SRPRA: variants seen among roughly 807,000 people sequenced by gnomAD.
SRPRA encodes the protein signal recognition particle receptor subunit alpha.
A neutral mutation model predicts 61.1 loss-of-function variants in SRPRA; 30 were observed. The observed-to-expected ratio is 0.49, with a 90% confidence interval of 0.37 to 0.67. The LOEUF is 0.67. SRPRA is among the 30% of genes least tolerant of loss of function. The probability of loss-of-function intolerance (pLI) is 0.00; values close to 1 mark genes in which losing one functional copy is unlikely to be tolerated. For missense variants in SRPRA, 759 were observed against 828.4 expected (o/e 0.92, Z 1.03); for synonymous variants, 324 against 299.7 (o/e 1.08, Z -0.84).
the SRPRA span, chr11:126,256,900 C>A: frequency 6.5e-7 from 1 of 1,542,090 alleles, no homozygotes; most frequent in South Asian, 1.2e-5. The surrounding 1 kb of genome is among the most constrained non-coding windows in gnomAD (Gnocchi z 6.6). Flanking sequence ...AACAGCTCTT[C>A]AGCCTTTTGT....
At position 126,264,928 on chromosome 11, in the gene SRPRA, A is replaced by C; in HGVS notation, c.1525+31T>G. The C allele has an allele frequency of 1.3e-6, 2 of 1,592,808 alleles. No individual in the cohort carries two copies. Among genetic ancestry groups the C allele is most frequent in the Non-Finnish European group, 1.7e-6 (2 of 1,169,760 alleles). On this transcript the variant is annotated intron_variant, in intron 11 of 13. Coordinates refer to ENST00000332118, the MANE Select transcript of SRPRA (RefSeq NM_003139.4). The surrounding 1 kb of genome is among the most constrained non-coding windows in gnomAD (Gnocchi z 5.0). ...AACCCAAGGAGAAAAAGGGACCCCAAATAAGCCCCCACACTTCCCATGCAC... is the reference window on the plus strand; with the variant it reads ...AACCCAAGGAGAAAAAGGGACCCCACATAAGCCCCCACACTTCCCATGCAC...
chr11:126,265,738 G>A lies in SRPRA; in HGVS notation c.1137C>T (p.Ser379=), dbSNP rs1333263641. The part of the protein sequence containing the change: ...KLEGKVMGTF[S]TVTSTVKQAL... The stretch of plus-strand genomic sequence containing the variant: ...TTTCTCACTTAGGTAAGTACTTACT[G>A]CTGAACGTCCCCATCACCTTCCCTT... The change falls in exon 9 of 14, where the codon AGC becomes AGT. Residue 379 remains serine (S), a splice_region_variant and synonymous_variant. Coordinates refer to ENST00000332118, the MANE Select transcript of SRPRA (RefSeq NM_003139.4). This position sits in a 1 kb window ranked among gnomAD's most constrained non-coding sequence, Gnocchi z 6.3. The A allele has an allele frequency of 6.2e-7, 1 of 1,614,152 alleles. No homozygotes were observed. Among genetic ancestry groups the A allele is most frequent in the South Asian group, 1.1e-5 (1 of 91,086 alleles).
At chr11:126,257,515 C>T in the SRPRA span, among the ~76,000 whole-genome samples, 1 of 149,498 alleles carries the variant, frequency 6.7e-6, no homozygotes, top group African/African-American at 2.5e-5. Context: ...GTTTTCATTG[C>T]CATAAAAAAA....
the SRPRA span, chr11:126,256,506 G>C: frequency 1.3e-6 from 2 of 1,527,948 alleles, no homozygotes; most frequent in African/African-American, 2.8e-5. This position sits in a 1 kb window ranked among gnomAD's most constrained non-coding sequence, Gnocchi z 6.6. Flanking sequence ...TGACCTTCTT[G>C]TTTCAGACTT....
chr11:126,264,868 G>A lies in SRPRA; in HGVS notation c.1525+91C>T, dbSNP rs1313711152. On this transcript the variant is annotated intron_variant, in intron 11 of 13. Transcript: ENST00000332118. This position sits in a 1 kb window ranked among gnomAD's most constrained non-coding sequence, Gnocchi z 5.0. ...ACTGTAATTGACCAACGAGTCTGTA[G>A]TAGCACAAGCCTGATCTTCTGCAAA... 8.0e-7 allele frequency: 1 copy of A among 1,244,024 alleles called. No homozygotes were observed. 77.1% of individuals were successfully genotyped at this position (1,244,024 alleles called of 1,614,324 possible).
chr11:126,266,429 C>G (rs1950811661), intron 6 of SRPRA, 47 bp downstream of exon 6: 1 of 1,602,750 alleles, frequency 6.2e-7, no homozygotes, highest in Non-Finnish European at 8.5e-7. Flanking sequence ...ACTCTACTTC[C>G]TCCCAATTTG....
downstream of SRPRA, chr11:126,260,370 T>C (rs1179397133): frequency 6.7e-6 from 1 of 150,050 alleles, no homozygotes; most frequent in East Asian, 2.0e-4. Flanking sequence ...TGTGCTTTTT[T>C]TCATAGTTGT....
At chr11:126,258,097 G>T (rs138326491), downstream of SRPRA, among the ~76,000 whole-genome samples, 2 of 152,176 alleles carry the variant, frequency 1.3e-5, no homozygotes, top group Admixed American at 1.3e-4. Flanking sequence ...TTGTCAACCT[G>T]AATGCATCTT....
In SRPRA at chr11:126,265,506, A is replaced by G. The variant is rs1950791671; in HGVS notation, c.1139-66T>C. The stretch of plus-strand genomic sequence containing the variant: ...AGGAATGCTCTCAAAAATGCCTAAC[A>G]CCTTTCTGAGCTAAGGGGACTAAAA... On this transcript the variant is annotated intron_variant, in intron 9 of 13. Transcript: ENST00000332118. The surrounding 1 kb of genome is among the most constrained non-coding windows in gnomAD (Gnocchi z 6.3). 6.5e-7 allele frequency: 1 copy of G among 1,544,694 alleles called. No homozygotes were observed. Among genetic ancestry groups the G allele is most frequent in the Non-Finnish European group, 8.8e-7 (1 of 1,139,152 alleles).
At chr11:126,262,308 T>G, downstream of SRPRA, 1 of 633,222 alleles carries the variant, frequency 1.6e-6, no homozygotes, top group Non-Finnish European at 2.7e-6. Flanking sequence ...TCATACCACC[T>G]GGTTCTTGAT....
chr11:126,266,222 A>G lies in SRPRA; in HGVS notation c.897T>C (p.Asp299=), dbSNP rs1342116573. ...TAGAGTTTTGAGCAGCCCCTTCGTC[A>G]TCAGAGCTGCTGCAGTCCAGATCCT... is the stretch of plus-strand genomic sequence containing the variant. ...QLQDLDCSSS[D]DEGAAQNSTK... The change falls in exon 7 of 14, where the codon GAT becomes GAC. Residue 299 remains aspartate, a synonymous_variant. Transcript: ENST00000332118. 1.9e-6 allele frequency: 3 copies of G among 1,614,058 alleles called. No homozygotes were observed. The highest frequency in any genetic ancestry group is 2.5e-6 in the Non-Finnish European group (3 of 1,180,048).
the SRPRA span, among the ~76,000 whole-genome samples, chr11:126,243,468 T>TA: frequency 4.3e-3 from 543 of 124,988 alleles, no homozygotes; most frequent in African/African-American, 5.7e-3. Flanking sequence ...TGTCTGCCTC[T>TA]AAAAAAAAAA....
Position 126,266,081 on chromosome 11 carries a change from A to G in SRPRA, c.933T>C (p.Ser311=). Residue 311 remains serine (S), a splice_region_variant and synonymous_variant, in exon 8 of 14, where the codon AGT becomes AGC. Transcript: ENST00000332118. The part of the protein sequence containing the change: ...EGAAQNSTKP[S]ATKGTLGGMF... The stretch of plus-strand genomic sequence containing the variant: ...TGCCACCCAGTGTTCCCTTGGTCGC[A>G]CTGCAGGGACAGGAGATTACACATA... The G allele has an allele frequency of 1.9e-6, 3 of 1,614,032 alleles. No individual in the cohort carries two copies. Among genetic ancestry groups the G allele is most frequent in the Admixed American group, 1.7e-5 (1 of 60,030 alleles).
Position 126,268,835 on chromosome 11 carries a change from G to T in SRPRA, c.-31C>A, listed in dbSNP as rs769259902. ...CAGCGGCAGAGGAGCTGGGGCCGGC[G>T]CCGGGAATTCAGGCCGCGTTCGCCG... On this transcript the variant is annotated 5_prime_UTR_variant, in exon 1 of 14. Transcript: ENST00000332118. 7 of 1,580,510 alleles carry T rather than the reference G, an allele frequency of 4.4e-6. No individual in the cohort carries two copies. The South Asian group carries it at 7.8e-5, about 17-fold the overall frequency.
chr11:126,265,977 C>A lies in SRPRA; in HGVS notation c.1037G>T (p.Arg346Leu). The A allele has an allele frequency of 6.2e-7, 1 of 1,614,172 alleles. No homozygotes were observed. ...TCAGAACTTACCAATGAGATGATCA[C>A]GCATCTTGTCCAGCACAGATTCCAT... ...EDMESVLDKM[R>L]DHLIAKNVAA... The change falls in exon 8 of 14, where the codon CGT becomes CTT. Residue 346 changes from arginine to leucine, a missense_variant. Arg to Leu is a moderately radical substitution (Grantham distance 102). Coordinates refer to ENST00000332118, the MANE Select transcript of SRPRA (RefSeq NM_003139.4). This position sits in a 1 kb window ranked among gnomAD's most constrained non-coding sequence, Gnocchi z 6.3.
At chr11:126,244,131 G>C in the SRPRA span, among the ~76,000 whole-genome samples, 2 of 152,142 alleles carry the variant, frequency 1.3e-5, no homozygotes, top group Admixed American at 1.3e-4. The surrounding 1 kb of genome is among the most constrained non-coding windows in gnomAD (Gnocchi z 4.5). Flanking sequence ...AAAACTCACA[G>C]TTAACATATT....
the SRPRA span, chr11:126,256,523 AGT>A: frequency 6.3e-7 from 1 of 1,584,122 alleles, no homozygotes; most frequent in Non-Finnish European, 8.6e-7. The surrounding 1 kb of genome is among the most constrained non-coding windows in gnomAD (Gnocchi z 6.6). Flanking sequence ...ACTTGCCTTG[AGT>A]GTGTCTTCAC....
In SRPRA at chr11:126,268,133, C is replaced by A. The variant is rs375803570; in HGVS notation, c.118-47G>T. On this transcript the variant is annotated intron_variant, in intron 1 of 13. Coordinates refer to ENST00000332118, the MANE Select transcript of SRPRA (RefSeq NM_003139.4). The stretch of plus-strand genomic sequence containing the variant: ...GTGTTCAGACTATCCCCAGAAAACC[C>A]AGGTTTGGGCCCTGGGTTTGGATAA... 3.7e-5 allele frequency: 58 copies of A among 1,566,302 alleles called. 2 individuals are homozygous for A. The African/African-American group carries it at 6.2e-4, about 17-fold the overall frequency.
rs1238503397 is a variant in SRPRA at position 126,265,214 on chromosome 11, T to C, written c.1312-42A>G. On this transcript the variant is annotated intron_variant, in intron 10 of 13. Transcript: ENST00000332118. This position sits in a 1 kb window ranked among gnomAD's most constrained non-coding sequence, Gnocchi z 6.3. Reference sequence around the variant, plus strand: ...AGAAAAGTCACCTAAAGCCAGGATTTTGAGACACAAGAAGTACAGAAATAT... The same window carrying C: ...AGAAAAGTCACCTAAAGCCAGGATTCTGAGACACAAGAAGTACAGAAATAT... 1.9e-6 allele frequency: 3 copies of C among 1,613,782 alleles called. No individual in the cohort carries two copies. The highest frequency in any genetic ancestry group is 4.5e-5 in the East Asian group (2 of 44,896).
Sources: gnomAD v4.1 joint callset for allele counts (sites outside exome capture counted in the v4.1 genomes callset) on GRCh38, gnomAD v4.1.1 for gene constraint, Gnocchi (gnomAD v3.1) non-coding constraint, MANE v1.5 for transcripts, NCBI Gene and HGNC (gene_info 2026-07-23, HGNC 2026-07-21) for gene names.